The following ATAD2B variants were observed in gnomAD, a reference collection of about 807,000 sequenced individuals.
ATAD2B encodes the protein ATPase family AAA domain-containing protein 2B.
Under a neutral mutation model 167.6 loss-of-function variants are expected in ATAD2B, and 40 were observed. That is an observed-to-expected ratio of 0.24 (90% CI 0.19 to 0.31). The LOEUF (loss-of-function observed/expected upper bound fraction) is 0.31, where lower values mean the gene tolerates loss of function less well. Among genes scored for constraint, ATAD2B ranks in the 10% least tolerant of loss-of-function variants. The pLI, the probability that ATAD2B is intolerant of heterozygous loss-of-function variation, is 1.00. For synonymous variants in ATAD2B, 579 were observed against 596.5 expected (o/e 0.97, Z 0.43); for missense variants, 1,242 against 1,757.2 (o/e 0.71, Z 5.24).
chr2:23,779,222 C>A lies in ATAD2B; in HGVS notation c.3133+3647G>T, dbSNP rs186105224. On this transcript the variant is annotated intron_variant, in intron 22 of 27. Transcript: ENST00000238789. ...ACAGAGTCTCGCTCTGTCTCCCAGG[C>A]TGGAGTGCAGTGGCGTGATCTCAGC... Among the ~76,000 whole-genome samples the A allele has an allele frequency of 1.3e-3, 178 of 133,224 alleles. 2 individuals are homozygous for A. The highest frequency in any genetic ancestry group is 4.9e-3 in the African/African-American group (172 of 34,814). 87.4% of individuals were successfully genotyped at this position (133,224 alleles called of 152,430 possible).
chr2:23,679,687 G>T, the ATAD2B span, among the ~76,000 whole-genome samples: 1 of 149,888 alleles, frequency 6.7e-6, no homozygotes, highest in Non-Finnish European at 1.5e-5. Flanking sequence ...TCTAGTGCAG[G>T]AGGCAGACAT....
intron 13 of ATAD2B, among the ~76,000 whole-genome samples, chr2:23,839,905 C>A (rs901096246): frequency 1.3e-5 from 2 of 152,060 alleles, no homozygotes; most frequent in Non-Finnish European, 2.9e-5. Context: ...TTACTCAACC[C>A]CTAGGGAACC....
the ATAD2B span, chr2:23,703,642 A>G: frequency 6.9e-7 from 1 of 1,449,544 alleles, no homozygotes. Flanking sequence ...CCTTCCCTGG[A>G]GGGTCTTCTG....
At chr2:23,681,370 G>A in the ATAD2B span, among the ~76,000 whole-genome samples, 2 of 152,206 alleles carry the variant, frequency 1.3e-5, no homozygotes, top group Admixed American at 6.5e-5. This position sits in a 1 kb window ranked among gnomAD's most constrained non-coding sequence, Gnocchi z 4.2. Context: ...ACCTCCAAGC[G>A]CCTTCCAGGT....
At chr2:23,818,724 T>C (rs564535886) in intron 17 of ATAD2B, among the ~76,000 whole-genome samples, 6 of 152,326 alleles carry the variant, frequency 3.9e-5, no homozygotes, top group African/African-American at 1.4e-4. Context: ...TGCTATTAGA[T>C]CTACCTGACT....
chr2:23,919,919 G>A (rs1703660835), intron 1 of ATAD2B, among the ~76,000 whole-genome samples: 1 of 151,738 alleles, frequency 6.6e-6, no homozygotes, highest in South Asian at 2.1e-4. Context: ...CGGAGGCCGA[G>A]GCAGGCAGAT....
chr2:23,815,691 G>A (rs1315185812), intron 17 of ATAD2B, among the ~76,000 whole-genome samples: 1 of 152,218 alleles, frequency 6.6e-6, no homozygotes, highest in Non-Finnish European at 1.5e-5. Flanking sequence ...TTATCAATGA[G>A]AGGATGGCAA....
intron 14 of ATAD2B, among the ~76,000 whole-genome samples, chr2:23,833,074 T>G (rs1333433378): frequency 6.6e-6 from 1 of 152,220 alleles, no homozygotes; most frequent in Non-Finnish European, 1.5e-5. Context: ...AATTGAATTG[T>G]CAATCCAAAT....
chr2:23,801,173 T>A (rs1337784464), intron 18 of ATAD2B, among the ~76,000 whole-genome samples: 3 of 151,996 alleles, frequency 2.0e-5, no homozygotes, highest in Non-Finnish European at 4.4e-5. Flanking sequence ...TAATAAAAAT[T>A]CAAAAAGAAC....
chr2:23,694,874 G>C, the ATAD2B span, among the ~76,000 whole-genome samples: 2 of 152,048 alleles, frequency 1.3e-5, no homozygotes, highest in Non-Finnish European at 2.9e-5. Flanking sequence ...TGCCCCTCGT[G>C]AATTTTTCAT....
chr2:23,908,093 G>A (rs1226735355), intron 1 of ATAD2B, among the ~76,000 whole-genome samples: 1 of 152,208 alleles, frequency 6.6e-6, no homozygotes, highest in Non-Finnish European at 1.5e-5. Flanking sequence ...AGGACTTCGT[G>A]TCTAAAACAC....
the ATAD2B span, chr2:23,685,146 G>A: frequency 1.3e-5 from 2 of 152,464 alleles, no homozygotes; most frequent in Non-Finnish European, 2.9e-5. Flanking sequence ...GACCAGGTGT[G>A]TCCTAAACAC....
intron 7 of ATAD2B, among the ~76,000 whole-genome samples, chr2:23,876,617 T>C (rs1380192454): frequency 6.6e-6 from 1 of 152,218 alleles, no homozygotes; most frequent in Middle Eastern, 3.4e-3. Context: ...ACTTTTTAAA[T>C]AAAACCTAGT....
At chr2:23,703,241 C>T in the ATAD2B span, 7 of 1,538,060 alleles carry the variant, frequency 4.6e-6, no homozygotes, top group Admixed American at 2.0e-5. Flanking sequence ...CAAGGCAGTA[C>T]ACTCTGCTGC....
rs1296146180 is a variant in ATAD2B, at chr2:23,752,075, T to C, written c.4348A>G (p.Thr1450Ala). 1.3e-6 allele frequency: 2 copies of C among 1,561,834 alleles called. No homozygotes were observed. Among genetic ancestry groups the C allele is most frequent in the Non-Finnish European group, 1.7e-6 (2 of 1,150,248 alleles). The change falls in exon 28 of 28, where the codon ACA becomes GCA. Residue 1450 changes from threonine (T) to alanine (A), a missense_variant. Physicochemically the swap from Thr to Ala is moderately conservative, Grantham distance 58 (BLOSUM62 0). Transcript: ENST00000238789. ...KSQLVEEMER[T>A]VHMFETFL ...AGGAATGTCTCAAACATATGAACTG[T>C]TCTTTCCATCTCCTATAAAAGGAAA...
In ATAD2B at chr2:23,760,690, T is replaced by TTATATA. The variant is rs60333740; in HGVS notation, c.3394+1513_3394+1518dup. ...AGAAAAAAAAAAAAAATAAATAAATTTATATATATACACACACACACACAC... is the reference window on the plus strand; with the variant it reads ...AGAAAAAAAAAAAAAATAAATAAATTTATATATATATATATACACACACACACACAC... On this transcript the variant is annotated intron_variant, in intron 24 of 27. Transcript: ENST00000238789. Among the ~76,000 whole-genome samples, 600 of 118,136 alleles carry TTATATA rather than the reference T, an allele frequency of 5.1e-3. 11 individuals are homozygous for TTATATA. The highest frequency in any genetic ancestry group is 0.013 in the African/African-American group (403 of 31,678). The allele number at this position is 118,136 out of a possible 152,430, so 77.5% of individuals were successfully genotyped here.
At chr2:23,897,214 T>A (rs1051477664) in intron 1 of ATAD2B, among the ~76,000 whole-genome samples, 15 of 152,228 alleles carry the variant, frequency 9.9e-5, no homozygotes, top group Non-Finnish European at 1.8e-4. Flanking sequence ...TCAGGCCACA[T>A]ATTCTTAAAA....
intron 2 of ATAD2B, among the ~76,000 whole-genome samples, chr2:23,894,690 G>C (rs576635859): frequency 6.6e-6 from 1 of 152,152 alleles, no homozygotes; most frequent in East Asian, 1.9e-4. Flanking sequence ...GATTATAACA[G>C]GTAGATCAAG....
At chr2:23,870,961 A>T (rs1695876467) in intron 8 of ATAD2B, among the ~76,000 whole-genome samples, 1 of 152,192 alleles carries the variant, frequency 6.6e-6, no homozygotes, top group Non-Finnish European at 1.5e-5. Flanking sequence ...GACATCGCTA[A>T]GACACCTAAA....
Sources: allele counts gnomAD v4.1 joint callset (sites outside exome capture counted in the v4.1 genomes callset), GRCh38; gene constraint gnomAD v4.1.1; non-coding constraint Gnocchi (gnomAD v3.1); transcripts MANE v1.5; gene names NCBI Gene and HGNC (gene_info 2026-07-23, HGNC 2026-07-21).